The following GPC5 variants were observed in gnomAD, a reference collection of about 807,000 sequenced individuals.
The protein encoded by GPC5 is glypican 5.
GPC5 carries 47 observed loss-of-function variants against 53.9 expected under a neutral mutation model. That is an observed-to-expected ratio of 0.87 (90% CI 0.69 to 1.11). The LOEUF (loss-of-function observed/expected upper bound fraction) is 1.11. GPC5 is among the 50% of genes most tolerant of loss of function. GPC5 has a pLI of 0.00. For missense variants in GPC5, 748 were observed against 713.1 expected (o/e 1.05, Z -0.56); for synonymous variants, 286 against 263.3 (o/e 1.09, Z -0.84).
At chr13:91,644,079 G>C (rs1362976366) in intron 2 of GPC5, among the ~76,000 whole-genome samples, 4 of 152,044 alleles carry the variant, frequency 2.6e-5, no homozygotes, top group Non-Finnish European at 5.9e-5. Flanking sequence ...GGATATATTG[G>C]TAAAATTAAT....
At chr13:92,578,741 C>T (rs1284208134) in intron 7 of GPC5, among the ~76,000 whole-genome samples, 1 of 152,196 alleles carries the variant, frequency 6.6e-6, no homozygotes, top group Non-Finnish European at 1.5e-5. Context: ...TCCTCACAGA[C>T]ATACCCAGGA....
At chr13:92,535,181 G>A (rs565510271) in intron 7 of GPC5, among the ~76,000 whole-genome samples, 1 of 152,222 alleles carries the variant, frequency 6.6e-6, no homozygotes, top group African/African-American at 2.4e-5. Flanking sequence ...GAAGACCTAT[G>A]GTGCTGTGGC....
At chr13:92,330,591 A>G (rs2043281860) in intron 7 of GPC5, among the ~76,000 whole-genome samples, 1 of 152,164 alleles carries the variant, frequency 6.6e-6, no homozygotes, top group Admixed American at 6.6e-5. Flanking sequence ...CAGGAATTGG[A>G]AAATTGTTAA....
At chr13:91,447,239 C>T (rs143707613) in intron 1 of GPC5, among the ~76,000 whole-genome samples, 161 of 151,966 alleles carry the variant, frequency 1.1e-3, no homozygotes, top group African/African-American at 3.6e-3. Context: ...AATATTTATT[C>T]GTTAGTTCTT....
chr13:92,159,515 C>G (rs2041970304), intron 7 of GPC5, among the ~76,000 whole-genome samples: 1 of 151,538 alleles, frequency 6.6e-6, no homozygotes, highest in Admixed American at 6.6e-5. Flanking sequence ...TTCCAAATCC[C>G]TAGATGCTGG....
chr13:92,553,068 A>G (rs73618987), intron 7 of GPC5, among the ~76,000 whole-genome samples: 1,802 of 152,054 alleles, frequency 0.012, 37 homozygotes, highest in African/African-American at 0.041. Flanking sequence ...CCTCCTAATC[A>G]TTTCCACCCA....
At chr13:91,495,842 G>A (rs959690422) in intron 2 of GPC5, among the ~76,000 whole-genome samples, 1 of 152,122 alleles carries the variant, frequency 6.6e-6, no homozygotes, top group African/African-American at 2.4e-5. Context: ...GACTAACAGG[G>A]TGAAACCCCG....
At chr13:92,244,279 A>G (rs1281164126) in intron 7 of GPC5, among the ~76,000 whole-genome samples, 2 of 152,186 alleles carry the variant, frequency 1.3e-5, no homozygotes, top group Admixed American at 1.3e-4. Context: ...CATTGATTTT[A>G]TGTTTAATTC....
At chr13:92,476,894 T>TG (rs1294956565) in intron 7 of GPC5, among the ~76,000 whole-genome samples, 1 of 81,686 alleles carries the variant, frequency 1.2e-5, no homozygotes, top group Non-Finnish European at 2.3e-5. Context: ...GGGACTGTTG[T>TG]GGGGTGGGGG....
chr13:92,246,955 T>C (rs1487584767), intron 7 of GPC5, among the ~76,000 whole-genome samples: 1 of 152,138 alleles, frequency 6.6e-6, no homozygotes, highest in Non-Finnish European at 1.5e-5. Context: ...TATTCTTGTG[T>C]AGTAGAAATA....
intron 2 of GPC5, among the ~76,000 whole-genome samples, chr13:91,625,026 TAA>T (rs1479442022): frequency 6.6e-6 from 1 of 151,388 alleles, no homozygotes; most frequent in Non-Finnish European, 1.5e-5. Flanking sequence ...AGTCATGCAA[TAA>T]AAGTGAAATA....
chr13:92,305,525 T>A (rs1417799289), intron 7 of GPC5, among the ~76,000 whole-genome samples: 1 of 152,154 alleles, frequency 6.6e-6, no homozygotes, highest in African/African-American at 2.4e-5. Flanking sequence ...TATGGAAATT[T>A]CACGGACTGT....
At chr13:91,868,277 C>T (rs2039105717) in intron 5 of GPC5, among the ~76,000 whole-genome samples, 1 of 152,004 alleles carries the variant, frequency 6.6e-6, no homozygotes, top group Non-Finnish European at 1.5e-5. Flanking sequence ...GATTAGATGA[C>T]AAGTAAGATG....
chr13:92,578,747 C>T (rs991302022), intron 7 of GPC5, among the ~76,000 whole-genome samples: 3 of 152,156 alleles, frequency 2.0e-5, no homozygotes, highest in African/African-American at 4.8e-5. Context: ...CAGACATACC[C>T]AGGAATAATG....
intron 5 of GPC5, among the ~76,000 whole-genome samples, chr13:91,770,299 A>G (rs763579245): frequency 6.6e-6 from 1 of 152,134 alleles, no homozygotes; most frequent in South Asian, 2.1e-4. Flanking sequence ...TACTTTTGGG[A>G]TTTATATTCA....
chr13:92,797,387 C>T (rs1288221306), intron 7 of GPC5, among the ~76,000 whole-genome samples: 1 of 151,842 alleles, frequency 6.6e-6, no homozygotes, highest in Non-Finnish European at 1.5e-5. Context: ...TTTATTTCCT[C>T]ATCTTTAACA....
At chr13:91,715,512 A>C (rs2036317258) in intron 3 of GPC5, among the ~76,000 whole-genome samples, 1 of 152,204 alleles carries the variant, frequency 6.6e-6, no homozygotes, top group Non-Finnish European at 1.5e-5. Flanking sequence ...AAATGTAAAT[A>C]CATGTGTTTG....
At chr13:92,247,742 C>G (rs948333957) in intron 7 of GPC5, among the ~76,000 whole-genome samples, 11 of 152,044 alleles carry the variant, frequency 7.2e-5, no homozygotes, top group Admixed American at 4.6e-4. Context: ...CTATGTTTAA[C>G]TACCATATAA....
chr13:91,982,078 G>A (rs1396408102), intron 6 of GPC5, among the ~76,000 whole-genome samples: 1 of 152,150 alleles, frequency 6.6e-6, no homozygotes, highest in African/African-American at 2.4e-5. Context: ...GAGCTGGAGA[G>A]GGAAGCAGGA....
Sources: allele counts gnomAD v4.1 joint callset (sites outside exome capture counted in the v4.1 genomes callset), GRCh38; gene constraint gnomAD v4.1.1; transcripts MANE v1.5; gene names NCBI Gene and HGNC (gene_info 2026-07-23, HGNC 2026-07-21).